The following PTH1R variants were observed in gnomAD, a reference collection of about 807,000 sequenced individuals.
PTH1R encodes the protein parathyroid hormone/parathyroid hormone-related peptide receptor.
PTH1R carries 32 observed loss-of-function variants against 70.7 expected under a neutral mutation model. That is an observed-to-expected ratio of 0.45 (90% CI 0.34 to 0.61). The LOEUF (loss-of-function observed/expected upper bound fraction) is 0.61, where lower values mean the gene tolerates loss of function less well. Among genes scored for constraint, PTH1R ranks in the 20% least tolerant of loss-of-function variants. The pLI, the probability that PTH1R is intolerant of heterozygous loss-of-function variation, is 0.01. For synonymous variants in PTH1R, 329 were observed against 324.8 expected, an observed-to-expected ratio of 1.01 and a Z score of -0.14; for missense variants, 626 against 792.5, an observed-to-expected ratio of 0.79 and a Z score of 2.52.
chr3:46,888,564 T>G (rs1044927653), intron 3 of PTH1R, among the ~76,000 whole-genome samples: 2 of 152,118 alleles, frequency 1.3e-5, no homozygotes, highest in African/African-American at 4.8e-5. Flanking sequence ...CCTCTGAAAT[T>G]GTCTGCAAAA....
intron 4 of PTH1R, among the ~76,000 whole-genome samples, chr3:46,894,787 G>A (rs1253945843): frequency 6.6e-6 from 1 of 152,048 alleles, no homozygotes; most frequent in Admixed American, 6.6e-5. Flanking sequence ...GGACCAGGGG[G>A]GCCTAGCTTG....
At chr3:46,888,679 C>T (rs575515834) in intron 3 of PTH1R, among the ~76,000 whole-genome samples, 5 of 152,320 alleles carry the variant, frequency 3.3e-5, no homozygotes, top group African/African-American at 7.2e-5. Flanking sequence ...GTCTTATGCC[C>T]GAGGTGAGAC....
At chr3:46,880,885 G>A (rs34188610) in intron 1 of PTH1R, among the ~76,000 whole-genome samples, 177 bp from the exon 2 acceptor site, 10,103 of 152,266 alleles carry the variant, frequency 0.066, 696 homozygotes, top group African/African-American at 0.18. Flanking sequence ...ACTTGGGCTT[G>A]ACAGATTTGC....
Position 46,896,842 on chromosome 3 carries a change from C to A in PTH1R, c.313+973C>A, listed in dbSNP as rs2031783911. Among the ~76,000 whole-genome samples, 1 of 152,206 alleles carries A rather than the reference C, an allele frequency of 6.6e-6. No homozygotes were observed. Among genetic ancestry groups the A allele is most frequent in the Non-Finnish European group, 1.5e-5 (1 of 68,032 alleles). On this transcript the variant is annotated intron_variant, in intron 5 of 15. Transcript: ENST00000449590. This position sits in a 1 kb window ranked among gnomAD's most constrained non-coding sequence, Gnocchi z 4.1. ...AGTGGGATGTCACCCTACTTTGAATCCCACCATTAGCACTTAGATTTGGGG... is the reference window on the plus strand; with the variant it reads ...AGTGGGATGTCACCCTACTTTGAATACCACCATTAGCACTTAGATTTGGGG...
In PTH1R at chr3:46,892,484, C is replaced by G. The variant is rs766878838; in HGVS notation, c.76-1423C>G. Among the ~76,000 whole-genome samples, 23 of 152,336 alleles carry G rather than the reference C, an allele frequency of 1.5e-4. No individual in the cohort carries two copies. Among genetic ancestry groups the G allele is most frequent in the Non-Finnish European group, 2.8e-4 (19 of 68,018 alleles). ...ATGCGCTGCCACTCGCGCGCGCACG[C>G]ACAGGGACGCGCACGCGGCTCCGCT... On this transcript the variant is annotated intron_variant, in intron 3 of 15. Coordinates refer to ENST00000449590, the MANE Select transcript of PTH1R (RefSeq NM_000316.3). The surrounding 1 kb of genome is among the most constrained non-coding windows in gnomAD (Gnocchi z 5.2).
At chr3:46,898,511 AGG>A in intron 8 of PTH1R, 39 bp downstream of exon 8, 1 of 1,477,348 alleles carries the variant, frequency 6.8e-7, no homozygotes, top group South Asian at 1.1e-5. Flanking sequence ...GACATGGTGG[AGG>A]GGGGGCGGTG....
chr3:46,901,207 G>A lies in PTH1R; in HGVS notation c.1049+122G>A. 7.4e-7 allele frequency: 1 copy of A among 1,359,818 alleles called. No individual in the cohort carries two copies. Among genetic ancestry groups the A allele is most frequent in the Non-Finnish European group, 1.0e-6 (1 of 977,284 alleles). The allele number at this position is 1,359,818 out of a possible 1,614,324, so 84.2% of individuals were successfully genotyped here. A position where few individuals can be genotyped will look rare whatever the true frequency, so the allele number is the denominator to read the frequency against. ...AACGGCCCAGCCTCAGGAGTTCTCAGTCCAGCCTCAAGCCAGGAGCACCCT... is the reference window on the plus strand; with the variant it reads ...AACGGCCCAGCCTCAGGAGTTCTCAATCCAGCCTCAAGCCAGGAGCACCCT... On this transcript the variant is annotated intron_variant, in intron 11 of 15. Transcript: ENST00000449590. The surrounding 1 kb of genome is among the most constrained non-coding windows in gnomAD (Gnocchi z 7.3).
chr3:46,881,870 C>T (rs2106947208), intron 2 of PTH1R, among the ~76,000 whole-genome samples: 1 of 152,024 alleles, frequency 6.6e-6, no homozygotes, highest in East Asian at 2.0e-4. Context: ...ACCGGGCAGC[C>T]TCCTCAGGGG....
chr3:46,893,962 C>T lies in PTH1R; in HGVS notation c.131C>T (p.Ala44Val). 1 of 1,614,190 alleles carries T rather than the reference C, an allele frequency of 6.2e-7. No individual in the cohort carries two copies. The highest frequency in any genetic ancestry group is 8.5e-7 in the Non-Finnish European group (1 of 1,180,030). ...KEEQIFLLHRAQAQCEKRLKE... is the reference protein window; with the variant it reads ...KEEQIFLLHRVQAQCEKRLKE... ...GAACAGATCTTCCTGCTGCACCGTG[C>T]TCAGGCCCAGTGCGAAAAACGGCTC... Residue 44 changes from alanine (A) to valine (V), a missense_variant, in exon 4 of 16, where the codon GCT (alanine) becomes GTT (valine). Around this residue, in one of 3 missense-constraint regions of PTH1R, gnomAD observed 123 missense variants for 125.7 expected, o/e 0.98. Transcript: ENST00000449590. This position sits in a 1 kb window ranked among gnomAD's most constrained non-coding sequence, Gnocchi z 5.2.
chr3:46,898,657 C>T lies in PTH1R; in HGVS notation c.639-5C>T. 1.2e-6 allele frequency: 2 copies of T among 1,611,708 alleles called. No individual in the cohort carries two copies. Among genetic ancestry groups the T allele is most frequent in the Non-Finnish European group, 8.5e-7 (1 of 1,179,676 alleles). ...CCACCCACGGTCATGTCGCGCGCCCCGCAGGCGGCTGCACTGCACGCGCAA... is the reference window on the plus strand; with the variant it reads ...CCACCCACGGTCATGTCGCGCGCCCTGCAGGCGGCTGCACTGCACGCGCAA... On this transcript the variant is annotated splice_polypyrimidine_tract_variant and splice_region_variant and intron_variant, in intron 8 of 15. Transcript: ENST00000449590.
rs200920464 is a variant in PTH1R at position 46,898,655 on chromosome 3, C to T, written c.639-7C>T. On this transcript the variant is annotated splice_polypyrimidine_tract_variant and splice_region_variant and intron_variant, in intron 8 of 15. Transcript: ENST00000449590. ...CCCCACCCACGGTCATGTCGCGCGC[C>T]CCGCAGGCGGCTGCACTGCACGCGC... 6.2e-7 allele frequency: 1 copy of T among 1,611,632 alleles called. No homozygotes were observed. The highest frequency in any genetic ancestry group is 1.6e-4 in the Middle Eastern group (1 of 6,062).
At chr3:46,894,466 G>A (rs1406610197) in intron 4 of PTH1R, among the ~76,000 whole-genome samples, 2 of 152,106 alleles carry the variant, frequency 1.3e-5, no homozygotes. Flanking sequence ...GGTCTCTGCA[G>A]TCACAGCCCC....
At position 46,903,652 on chromosome 3, in the gene PTH1R, T is replaced by C; in HGVS notation, c.1778T>C (p.Met593Thr). The C allele has an allele frequency of 6.2e-7, 1 of 1,608,520 alleles. No homozygotes were observed. The highest frequency in any genetic ancestry group is 1.1e-5 in the South Asian group (1 of 91,078). Residue 593 changes from methionine to threonine, a missense_variant, in exon 16 of 16, where the codon ATG becomes ACG. Coordinates refer to ENST00000449590, the MANE Select transcript of PTH1R (RefSeq NM_000316.3). The surrounding 1 kb of genome is among the most constrained non-coding windows in gnomAD (Gnocchi z 4.4). ...ALLQEEWETV[M>T] ...CTACAGGAAGAGTGGGAGACAGTCA[T>C]GTGACCAGGCGCTGGGGGCTGGACC...
Position 46,903,277 on chromosome 3 carries a change from C to G in PTH1R, c.1403C>G (p.Ala468Gly), listed in dbSNP as rs2032239446. The change falls in exon 16 of 16, where the codon GCT (alanine) becomes GGT (glycine). Residue 468 changes from alanine (A) to glycine (G), a missense_variant. By Grantham distance (60) the Ala-to-Gly change is moderately conservative. Around this residue, in one of 3 missense-constraint regions of PTH1R, gnomAD observed 495 missense variants for 638.7 expected, o/e 0.77. Coordinates refer to ENST00000449590, the MANE Select transcript of PTH1R (RefSeq NM_000316.3). The surrounding 1 kb of genome is among the most constrained non-coding windows in gnomAD (Gnocchi z 4.4). ...IYCFCNGEVQ[A>G]EIKKSWSRWT... is the part of the protein sequence containing the mutation. ...CACCCTTACTGCCCCAAGGTACAAGCTGAGATCAAGAAATCTTGGAGCCGC... is the reference window on the plus strand; with the variant it reads ...CACCCTTACTGCCCCAAGGTACAAGGTGAGATCAAGAAATCTTGGAGCCGC... 6.2e-7 allele frequency: 1 copy of G among 1,612,732 alleles called. No homozygotes were observed. Among genetic ancestry groups the G allele is most frequent in the African/African-American group, 1.3e-5 (1 of 74,914 alleles).
Position 46,891,217 on chromosome 3 carries a change from T to G in PTH1R, c.76-2690T>G, listed in dbSNP as rs532657602. ...CGTGCTGGAAGCACATATCTTTCCC[T>G]CTCCTGAACATCCCAACTCCAGAAA... On this transcript the variant is annotated intron_variant, in intron 3 of 15. Transcript: ENST00000449590. This position sits in a 1 kb window ranked among gnomAD's most constrained non-coding sequence, Gnocchi z 4.3. Among the ~76,000 whole-genome samples the G allele has an allele frequency of 6.6e-6, 1 of 152,330 alleles. No individual in the cohort carries two copies. The highest frequency in any genetic ancestry group is 1.9e-4 in the East Asian group (1 of 5,182).
At position 46,902,544 on chromosome 3, in the gene PTH1R, G is replaced by T. The variant is rs202144354; in HGVS notation, c.1230G>T (p.Thr410=). 1 of 1,612,260 alleles carries T rather than the reference G, an allele frequency of 6.2e-7. No homozygotes were observed. Among genetic ancestry groups the T allele is most frequent in the South Asian group, 1.1e-5 (1 of 90,846 alleles). Residue 410 remains threonine (T), a synonymous_variant, in exon 14 of 16, where the codon ACG becomes ACT. Coordinates refer to ENST00000449590, the MANE Select transcript of PTH1R (RefSeq NM_000316.3). This position sits in a 1 kb window ranked among gnomAD's most constrained non-coding sequence, Gnocchi z 5.4. ...RQQYRKLLKS[T]LVLMPLFGVH... ...GGCCCAGGAAGCTGCTCAAATCCAC[G>T]CTGGTGCTCATGCCCCTCTTTGGCG...
In PTH1R at chr3:46,902,934, T is replaced by C. The variant is rs1370370623; in HGVS notation, c.1395+144T>C. The C allele has an allele frequency of 6.4e-6, 8 of 1,259,796 alleles. No individual in the cohort carries two copies. The highest frequency in any genetic ancestry group is 9.1e-6 in the Non-Finnish European group (8 of 875,746). 78.0% of individuals were successfully genotyped at this position (1,259,796 alleles called of 1,614,324 possible). A position where few individuals can be genotyped will look rare whatever the true frequency, so the allele number is the denominator to read the frequency against. On this transcript the variant is annotated intron_variant, in intron 15 of 15. Coordinates refer to ENST00000449590, the MANE Select transcript of PTH1R (RefSeq NM_000316.3). The surrounding 1 kb of genome is among the most constrained non-coding windows in gnomAD (Gnocchi z 5.4). ...TGAGGACATTCTGAAAGCAGAGAAGTCTTTCCAGATGATGCAGGTTCAGGA... is the reference window on the plus strand; with the variant it reads ...TGAGGACATTCTGAAAGCAGAGAAGCCTTTCCAGATGATGCAGGTTCAGGA...
At chr3:46,898,580 C>A (rs1575521812) in intron 8 of PTH1R, 82 bp from the exon 9 acceptor site, 2 of 1,600,684 alleles carry the variant, frequency 1.2e-6, no homozygotes, top group East Asian at 4.5e-5. Context: ...GGTGTCCCTA[C>A]CTACGGCGCA....
chr3:46,883,200 GGGGGGCGGGCC>G lies in PTH1R; in HGVS notation c.-48-302_-48-292del, dbSNP rs1203218958. Among the ~76,000 whole-genome samples, 4 of 151,394 alleles carry G rather than the reference GGGGGGCGGGCC, an allele frequency of 2.6e-5. No individual in the cohort carries two copies. The highest frequency in any genetic ancestry group is 2.1e-4 in the South Asian group (1 of 4,798). ...AGAAAAGGCGGCGCGGGAGGGGGGC[GGGGGGCGGGCC>G]GGGGGCGGGGGGCCCGGCCATATGG... On this transcript the variant is annotated intron_variant, in intron 2 of 15. Transcript: ENST00000449590. This position sits in a 1 kb window ranked among gnomAD's most constrained non-coding sequence, Gnocchi z 6.4.
Sources: allele counts gnomAD v4.1 joint callset (sites outside exome capture counted in the v4.1 genomes callset), GRCh38; gene constraint gnomAD v4.1.1; regional missense constraint gnomAD v4.1.1; non-coding constraint Gnocchi (gnomAD v3.1); transcripts MANE v1.5; gene names NCBI Gene and HGNC (gene_info 2026-07-23, HGNC 2026-07-21).